EHMT1: variants seen among roughly 807,000 people sequenced by gnomAD.
EHMT1 encodes histone-lysine N-methyltransferase EHMT1.
In EHMT1, 15 loss-of-function variants were observed where a neutral mutation model predicts 147.2. That is an observed-to-expected ratio of 0.10 (90% CI 0.07 to 0.16). The LOEUF is 0.16. Among genes scored for constraint, EHMT1 ranks in the 10% least tolerant of loss-of-function variants. The pLI is 1.00. For synonymous variants in EHMT1, 795 were observed against 709.6 expected, an observed-to-expected ratio of 1.12 and a Z score of -1.91; for missense variants, 1,587 against 1,772.4, an observed-to-expected ratio of 0.90 and a Z score of 1.88.
At position 137,642,730 on chromosome 9, in the gene EHMT1, C is replaced by T. The variant is rs112504856; in HGVS notation, c.21+23681C>T. Among the ~76,000 whole-genome samples the T allele has an allele frequency of 1.8e-4, 28 of 152,312 alleles. 1 individual carries two copies. The highest frequency in any genetic ancestry group is 4.8e-4 in the African/African-American group (20 of 41,570). ...TTACATTACACTGTGTGCCCATCTA[C>T]GCAGATTTATAGTTGCTGCTTTACG... On this transcript the variant is annotated intron_variant, in intron 1 of 26. Coordinates refer to ENST00000460843, the MANE Select transcript of EHMT1 (RefSeq NM_024757.5).
intron 3 of EHMT1, among the ~76,000 whole-genome samples, chr9:137,719,493 C>T (rs373906884): frequency 5.3e-5 from 8 of 152,180 alleles, no homozygotes; most frequent in African/African-American, 1.9e-4. Flanking sequence ...CTGCCCTAGC[C>T]CTGGGGCTTC....
chr9:137,690,860 T>C (rs1359467503), intron 1 of EHMT1, among the ~76,000 whole-genome samples: 2 of 152,216 alleles, frequency 1.3e-5, no homozygotes, highest in East Asian at 3.8e-4. Context: ...TCCAAGAGTG[T>C]TTCTAGATAA....
intron 1 of EHMT1, among the ~76,000 whole-genome samples, chr9:137,669,977 A>G (rs1042019215): frequency 6.6e-6 from 1 of 152,006 alleles, no homozygotes; most frequent in African/African-American, 2.4e-5. Context: ...CAGCCTCCCC[A>G]CACAGCCTCA....
chr9:137,629,623 G>A (rs1478833134), intron 1 of EHMT1, among the ~76,000 whole-genome samples: 2 of 151,824 alleles, frequency 1.3e-5, no homozygotes, highest in African/African-American at 2.4e-5. Context: ...TCGCTCTCCT[G>A]ACCTCGTGAT....
chr9:137,765,995 A>C (rs1950192920), intron 10 of EHMT1, among the ~76,000 whole-genome samples: 1 of 152,112 alleles, frequency 6.6e-6, no homozygotes, highest in African/African-American at 2.4e-5. Context: ...GGCCGGGTGC[A>C]GTAGCTCATG....
chr9:137,779,801 A>G, intron 14 of EHMT1, 84 bp downstream of exon 14: 1 of 1,467,248 alleles, frequency 6.8e-7, no homozygotes, highest in Admixed American at 1.8e-5. Context: ...CTCCTTCCTC[A>G]GGAGGCTGGT....
intron 21 of EHMT1, 67 bp from the exon 22 acceptor site, chr9:137,814,364 T>C: frequency 6.5e-7 from 1 of 1,535,556 alleles, no homozygotes; most frequent in Non-Finnish European, 9.0e-7. Context: ...AAGACGTAGT[T>C]GTGACTGGGA....
intron 9 of EHMT1, among the ~76,000 whole-genome samples, chr9:137,762,124 A>G (rs1216005848): frequency 6.6e-6 from 1 of 152,198 alleles, no homozygotes; most frequent in African/African-American, 2.4e-5. Context: ...TTGAGCTCTA[A>G]TTCTCCTCTA....
At position 137,710,922 on chromosome 9, in the gene EHMT1, G is replaced by A. The variant is rs777859284; in HGVS notation, c.22-45G>A. On this transcript the variant is annotated intron_variant, in intron 1 of 26. Coordinates refer to ENST00000460843, the MANE Select transcript of EHMT1 (RefSeq NM_024757.5). ...CAAATGATGTCCATTTGGAAAAGCG[G>A]CCTCCCACTGAACCCGGCTGACGGC... 30 of 1,562,990 alleles carry A rather than the reference G, an allele frequency of 1.9e-5. No individual in the cohort carries two copies. In the Admixed American group the frequency reaches 3.8e-4, roughly 20 times the overall value.
chr9:137,715,794 T>A, intron 2 of EHMT1: 1 of 985,394 alleles, frequency 1.0e-6, no homozygotes, highest in Non-Finnish European at 1.2e-6. Flanking sequence ...ATTTTCTCTG[T>A]TAGTTATTGT....
At chr9:137,736,547 G>A (rs886727664) in intron 4 of EHMT1, among the ~76,000 whole-genome samples, 2 of 152,226 alleles carry the variant, frequency 1.3e-5, no homozygotes, top group African/African-American at 2.4e-5. Context: ...AGACTTTCTA[G>A]GATCGACCAT....
Position 137,834,672 on chromosome 9 carries a change from C to T in EHMT1, c.3717-101C>T, listed in dbSNP as rs1956477632. The stretch of plus-strand genomic sequence containing the variant: ...AACTGCGACCTGGGATGCGGCACGG[C>T]AGATCGGGGTGAGGAAGCTTTGGCC... On this transcript the variant is annotated intron_variant, in intron 26 of 26. Transcript: ENST00000460843. 9 of 1,599,384 alleles carry T rather than the reference C, an allele frequency of 5.6e-6. No homozygotes were observed. The South Asian group carries it at 8.9e-5, about 16-fold the overall frequency.
At chr9:137,752,828 C>G (rs2136197630) in intron 7 of EHMT1, among the ~76,000 whole-genome samples, 1 of 151,930 alleles carries the variant, frequency 6.6e-6, no homozygotes, top group Admixed American at 6.5e-5. Context: ...GAGCCGGCAG[C>G]AAGGACAGCT....
intron 1 of EHMT1, among the ~76,000 whole-genome samples, chr9:137,690,235 T>TG (rs1942819999): frequency 6.6e-6 from 1 of 152,156 alleles, no homozygotes; most frequent in Non-Finnish European, 1.5e-5. Flanking sequence ...AATTTGGAAG[T>TG]GAGGAATGCA....
chr9:137,800,927 C>T lies in EHMT1; in HGVS notation c.2655C>T (p.His885=), dbSNP rs988905804. The change falls in exon 18 of 27, where the codon CAC becomes CAT. Residue 885 remains histidine (H), a synonymous_variant. Coordinates refer to ENST00000460843, the MANE Select transcript of EHMT1 (RefSeq NM_024757.5). ...TPMIWATEYK[H]VDLVKLLLSK... ...TGATCTGGGCCACAGAGTACAAGCA[C>T]GTGGACCTCGTGAAGCTGCTGCTGT... The T allele has an allele frequency of 4.3e-6, 7 of 1,614,130 alleles. No homozygotes were observed. Among genetic ancestry groups the T allele is most frequent in the East Asian group, 2.2e-5 (1 of 44,882 alleles).
Position 137,782,471 on chromosome 9 carries a change from C to T in EHMT1, c.2382+74C>T, listed in dbSNP as rs1951634231. The T allele has an allele frequency of 1.4e-5, 19 of 1,386,858 alleles. 1 individual carries two copies. In the South Asian group the frequency reaches 1.9e-4, roughly 14 times the overall value. 85.9% of individuals were successfully genotyped at this position (1,386,858 alleles called of 1,614,324 possible). On this transcript the variant is annotated intron_variant, in intron 15 of 26. Transcript: ENST00000460843. The surrounding 1 kb of genome is among the most constrained non-coding windows in gnomAD (Gnocchi z 5.7). ...TTTTTACCAAAGTAAAATCATACCA[C>T]GTTCGCGGTTCTTCCAGTGTAAGAG...
intron 1 of EHMT1, among the ~76,000 whole-genome samples, chr9:137,653,324 G>C (rs903810201): frequency 1.3e-5 from 2 of 152,138 alleles, no homozygotes; most frequent in Non-Finnish European, 2.9e-5. Context: ...TTGTAGCCCA[G>C]GAGCAATAGG....
chr9:137,831,068 G>C (rs1956154840), intron 25 of EHMT1, among the ~76,000 whole-genome samples: 1 of 152,176 alleles, frequency 6.6e-6, no homozygotes, highest in Non-Finnish European at 1.5e-5. Context: ...ACGTGGTGGA[G>C]GGGGTGCAGC....
intron 1 of EHMT1, among the ~76,000 whole-genome samples, chr9:137,685,547 G>A (rs1030238875): frequency 1.3e-5 from 2 of 152,144 alleles, no homozygotes; most frequent in Non-Finnish European, 2.9e-5. Flanking sequence ...ATGTATATGC[G>A]AGTATCTGTT....
Sources: gnomAD v4.1 joint callset for allele counts (sites outside exome capture counted in the v4.1 genomes callset) on GRCh38, gnomAD v4.1.1 for gene constraint, Gnocchi (gnomAD v3.1) non-coding constraint, MANE v1.5 for transcripts, NCBI Gene and HGNC (gene_info 2026-07-23, HGNC 2026-07-21) for gene names.